Variants in CACNA2D3 observed in about 807,000 individuals in gnomAD.
CACNA2D3 encodes the protein calcium voltage-gated channel auxiliary subunit alpha2delta 3, also known as voltage-dependent calcium channel subunit alpha-2/delta-3.
In CACNA2D3, 60 loss-of-function variants were observed where a neutral mutation model predicts 160.6. That is an observed-to-expected ratio of 0.37 (90% CI 0.30 to 0.46). CACNA2D3 has a LOEUF of 0.46. CACNA2D3 is among the 20% of genes least tolerant of loss of function. CACNA2D3 has a pLI of 1.00. For missense variants in CACNA2D3, 1,205 were observed against 1,365.0 expected (o/e 0.88, Z 1.85); for synonymous variants, 558 against 492.9 (o/e 1.13, Z -1.75).
chr3:54,871,651 A>G lies in CACNA2D3; in HGVS notation c.1710+29A>G, dbSNP rs750727458. On this transcript the variant is annotated intron_variant, in intron 18 of 37. Coordinates refer to ENST00000474759, the MANE Select transcript of CACNA2D3 (RefSeq NM_018398.3). Reference sequence around the variant, plus strand: ...AGTGATTTGTTTTCAGGCCTCGTGGAGAAGGACCTGCATTGTACCCACTTC... The same window carrying G: ...AGTGATTTGTTTTCAGGCCTCGTGGGGAAGGACCTGCATTGTACCCACTTC... The G allele has an allele frequency of 1.9e-6, 3 of 1,541,032 alleles. No individual in the cohort carries two copies. The Admixed American group carries it at 5.0e-5, about 26-fold the overall frequency.
chr3:54,432,320 C>CTTG (rs1427433840), intron 4 of CACNA2D3, among the ~76,000 whole-genome samples: 11 of 152,044 alleles, frequency 7.2e-5, no homozygotes, highest in African/African-American at 2.7e-4. Flanking sequence ...AAACAATGAT[C>CTTG]TTGTTATTAT....
At chr3:54,954,850 A>G (rs1213902949) in intron 27 of CACNA2D3, among the ~76,000 whole-genome samples, 1 of 152,222 alleles carries the variant, frequency 6.6e-6, no homozygotes, top group African/African-American at 2.4e-5. Context: ...AGAAAGAAGA[A>G]CAACTGGGTT....
At chr3:54,601,023 C>G (rs1255213988) in intron 9 of CACNA2D3, among the ~76,000 whole-genome samples, 1 of 152,060 alleles carries the variant, frequency 6.6e-6, no homozygotes, top group Admixed American at 6.5e-5. Context: ...TCCAGAGTGG[C>G]TAACCAAGAC....
chr3:54,896,143 C>T (rs913003542), intron 25 of CACNA2D3, among the ~76,000 whole-genome samples: 5 of 152,046 alleles, frequency 3.3e-5, no homozygotes, highest in South Asian at 2.1e-4. Context: ...CTAGCCTTCC[C>T]GATAGACAAG....
intron 9 of CACNA2D3, among the ~76,000 whole-genome samples, chr3:54,616,550 G>A (rs920654048): frequency 6.6e-6 from 1 of 152,196 alleles, no homozygotes; most frequent in African/African-American, 2.4e-5. Context: ...TAATGTAAGA[G>A]GGCCCAACAC....
chr3:54,326,293 A>G (rs997928739), intron 3 of CACNA2D3, among the ~76,000 whole-genome samples: 1 of 152,200 alleles, frequency 6.6e-6, no homozygotes, highest in Admixed American at 6.5e-5. Flanking sequence ...CAATCTTCCA[A>G]AAAGCTAGAG....
At chr3:54,598,341 G>GAAAAAAAA (rs796965866) in intron 9 of CACNA2D3, among the ~76,000 whole-genome samples, 2 of 131,038 alleles carry the variant, frequency 1.5e-5, no homozygotes, top group South Asian at 2.6e-4. Flanking sequence ...AAGAAGAAAG[G>GAAAAAAAA]AAAAAAAAGA....
Position 54,642,030 on chromosome 3 carries a change from A to G in CACNA2D3, c.1054-98A>G, listed in dbSNP as rs1253624274. On this transcript the variant is annotated intron_variant, in intron 10 of 37. Coordinates refer to ENST00000474759, the MANE Select transcript of CACNA2D3 (RefSeq NM_018398.3). ...TGGTGGACAGTGTGCTGTCATTTTA[A>G]AAGGCTTCCTTAGTCCCAGGTCTCA... 4.4e-6 allele frequency: 3 copies of G among 679,430 alleles called. No individual in the cohort carries two copies. In the African/African-American group the frequency reaches 5.6e-5, roughly 13 times the overall value. 42.1% of individuals were successfully genotyped at this position (679,430 alleles called of 1,614,324 possible). A position where few individuals can be genotyped will look rare whatever the true frequency, so the allele number is the denominator to read the frequency against.
At chr3:54,535,206 T>A (rs1207323358) in intron 5 of CACNA2D3, among the ~76,000 whole-genome samples, 1 of 152,130 alleles carries the variant, frequency 6.6e-6, no homozygotes, top group Non-Finnish European at 1.5e-5. Flanking sequence ...AAATTCTGGG[T>A]CCTCCCCCAG....
chr3:54,873,107 C>T (rs1699577916), intron 18 of CACNA2D3, among the ~76,000 whole-genome samples: 2 of 151,926 alleles, frequency 1.3e-5, no homozygotes, highest in Admixed American at 1.3e-4. Flanking sequence ...TTTATTTTTC[C>T]CCAAGAAAAT....
At chr3:54,185,589 G>T (rs1442460872) in intron 2 of CACNA2D3, among the ~76,000 whole-genome samples, 1 of 152,112 alleles carries the variant, frequency 6.6e-6, no homozygotes, top group Non-Finnish European at 1.5e-5. Context: ...ACTAAATCCT[G>T]TAGACCAAAG....
chr3:55,051,126 G>T (rs1451720102), intron 35 of CACNA2D3, among the ~76,000 whole-genome samples: 1 of 152,110 alleles, frequency 6.6e-6, no homozygotes, highest in Non-Finnish European at 1.5e-5. Flanking sequence ...TCTCCATCCA[G>T]CTTTGTTCCA....
At chr3:54,735,010 C>G (rs1462258403) in intron 11 of CACNA2D3, among the ~76,000 whole-genome samples, 1 of 152,246 alleles carries the variant, frequency 6.6e-6, no homozygotes, top group Admixed American at 6.5e-5. Context: ...TACCTCCAGT[C>G]TTTCTCTGCC....
At chr3:54,327,954 T>C (rs1472962586) in intron 3 of CACNA2D3, among the ~76,000 whole-genome samples, 1 of 152,270 alleles carries the variant, frequency 6.6e-6, no homozygotes, top group African/African-American at 2.4e-5. Flanking sequence ...GACTGCTTTC[T>C]GGATGTTCCA....
intron 4 of CACNA2D3, among the ~76,000 whole-genome samples, chr3:54,406,291 A>G (rs932738129): frequency 2.6e-5 from 4 of 152,068 alleles, no homozygotes; most frequent in Middle Eastern, 3.2e-3. Context: ...TAGAGAAACA[A>G]CCTAGGTGCC....
intron 11 of CACNA2D3, among the ~76,000 whole-genome samples, chr3:54,682,341 A>G (rs1700367441): frequency 6.6e-6 from 1 of 152,144 alleles, no homozygotes; most frequent in Admixed American, 6.6e-5. Flanking sequence ...AAGGAATAGA[A>G]TTAGCCCGGG....
chr3:54,566,285 A>C (rs1479746627), intron 6 of CACNA2D3, among the ~76,000 whole-genome samples: 1 of 152,214 alleles, frequency 6.6e-6, no homozygotes, highest in Non-Finnish European at 1.5e-5. Flanking sequence ...GACACTGGGC[A>C]TGCCCATCTG....
chr3:54,433,658 C>T lies in CACNA2D3; in HGVS notation c.381+46884C>T, dbSNP rs112230539. Among the ~76,000 whole-genome samples the T allele has an allele frequency of 9.2e-3, 1,408 of 152,236 alleles. 14 individuals are homozygous for T. Among genetic ancestry groups the T allele is most frequent in the Non-Finnish European group, 0.013 (903 of 68,024 alleles). On this transcript the variant is annotated intron_variant, in intron 4 of 37. Transcript: ENST00000474759. ...AAGATGGGAGAAGACAGACGGCCTG[C>T]GGACCTTTGCACTTGAGGAAGAGCA...
At chr3:54,577,327 A>G (rs1702601497) in intron 8 of CACNA2D3, among the ~76,000 whole-genome samples, 2 of 152,168 alleles carry the variant, frequency 1.3e-5, no homozygotes, top group African/African-American at 4.8e-5. Flanking sequence ...TATCTGCCAA[A>G]GACCCCGGTC....
Sources: gnomAD v4.1 joint callset for allele counts (sites outside exome capture counted in the v4.1 genomes callset) on GRCh38, gnomAD v4.1.1 for gene constraint, MANE v1.5 for transcripts, NCBI Gene and HGNC (gene_info 2026-07-23, HGNC 2026-07-21) for gene names.